TMEM229B: variants seen among roughly 807,000 people sequenced by gnomAD.
The protein encoded by TMEM229B is chromosome 14 open reading frame 83.
In TMEM229B, 6 loss-of-function variants were observed where a neutral mutation model predicts 13.7. That is an observed-to-expected ratio of 0.44 (90% CI 0.24 to 0.86). The LOEUF (loss-of-function observed/expected upper bound fraction) is 0.86, where lower values mean the gene tolerates loss of function less well. TMEM229B is among the 40% of genes least tolerant of loss of function. The pLI, the probability that TMEM229B is intolerant of heterozygous loss-of-function variation, is 0.23. For missense variants in TMEM229B, 170 were observed against 236.0 expected (o/e 0.72, Z 1.83); for synonymous variants, 107 against 102.1 (o/e 1.05, Z -0.29).
chr14:67,481,145 A>G lies in TMEM229B; in HGVS notation c.-19+5855T>C, dbSNP rs966397171. ...CATCTCTACAAAAAGAAAAAAAAGT[A>G]GGCTGGTTTGATGTGGTGTGCCTGT... On this transcript the variant is annotated intron_variant, in intron 2 of 2. Transcript: ENST00000554480. Among the ~76,000 whole-genome samples, 3 of 152,096 alleles carry G rather than the reference A, an allele frequency of 2.0e-5. No homozygotes were observed. In the East Asian group the frequency reaches 5.8e-4, roughly 29 times the overall value.
chr14:67,498,439 A>G (rs566812183), intron 1 of TMEM229B, among the ~76,000 whole-genome samples: 1 of 152,356 alleles, frequency 6.6e-6, no homozygotes, highest in Non-Finnish European at 1.5e-5. Context: ...TATTATAACT[A>G]ACTTTCCCTT....
At chr14:67,489,729 G>A (rs1020332506), upstream of TMEM229B, among the ~76,000 whole-genome samples, 5 of 152,320 alleles carry the variant, frequency 3.3e-5, no homozygotes, top group South Asian at 4.1e-4. Context: ...GGTGGCTCAC[G>A]CCTGTAATCC....
intron 1 of TMEM229B, among the ~76,000 whole-genome samples, chr14:67,528,403 G>T (rs1464962007): frequency 6.6e-6 from 1 of 152,150 alleles, no homozygotes; most frequent in Non-Finnish European, 1.5e-5. Flanking sequence ...CCCCACACAG[G>T]CTCCCTGGGC....
At position 67,508,753 on chromosome 14, in the gene TMEM229B, CAAAAAAA is replaced by C. The variant is rs757183130; in HGVS notation, c.-192+6326_-192+6332del. Among the ~76,000 whole-genome samples the C allele has an allele frequency of 6.0e-3, 282 of 46,734 alleles. 13 individuals carry two copies. Among genetic ancestry groups the C allele is most frequent in the Non-Finnish European group, 9.8e-3 (209 of 21,320 alleles). 30.7% of individuals were successfully genotyped at this position (46,734 alleles called of 152,430 possible). Reference sequence around the variant, plus strand: ...TGGGTGACAGAGCAAAACCTTGTCTCAAAAAAAAAAAAAAAAAACAGAAGACAATTAA... The same window carrying C: ...TGGGTGACAGAGCAAAACCTTGTCTCAAAAAAAAAAACAGAAGACAATTAA... On this transcript the variant is annotated intron_variant, in intron 1 of 2. Coordinates refer to the TMEM229B transcript ENST00000357461.
chr14:67,510,618 T>C (rs1305357370), intron 1 of TMEM229B, among the ~76,000 whole-genome samples: 1 of 152,116 alleles, frequency 6.6e-6, no homozygotes, highest in African/African-American at 2.4e-5. Context: ...TGTTGCCCAG[T>C]GGTAATGATA....
chr14:67,476,773 C>G (rs894409643), intron 2 of TMEM229B, among the ~76,000 whole-genome samples: 8 of 152,274 alleles, frequency 5.3e-5, no homozygotes, highest in Admixed American at 5.2e-4. Flanking sequence ...AACTCATCCC[C>G]TGCACATGAC....
At chr14:67,522,763 C>T (rs1186531511) in intron 1 of TMEM229B, among the ~76,000 whole-genome samples, 2 of 152,218 alleles carry the variant, frequency 1.3e-5, no homozygotes, top group South Asian at 2.1e-4. Flanking sequence ...AAGCCTGGAG[C>T]GGGTGGTGAG....
chr14:67,506,658 G>T (rs1228996606), intron 1 of TMEM229B, among the ~76,000 whole-genome samples: 3 of 152,262 alleles, frequency 2.0e-5, no homozygotes, highest in African/African-American at 7.2e-5. Flanking sequence ...AATGAAAATA[G>T]AAGGAATGAA....
intron 2 of TMEM229B, among the ~76,000 whole-genome samples, chr14:67,480,299 C>G (rs558519915): frequency 1.3e-5 from 2 of 152,180 alleles, no homozygotes; most frequent in South Asian, 4.2e-4. Context: ...GAGCACCAAG[C>G]TAGCGAGCCA....
At chr14:67,504,301 A>T (rs1235778614) in intron 1 of TMEM229B, among the ~76,000 whole-genome samples, 1 of 152,250 alleles carries the variant, frequency 6.6e-6, no homozygotes, top group Non-Finnish European at 1.5e-5. Context: ...GGCGTGAGCC[A>T]CCGTGCCCAG....
At chr14:67,488,023 C>T (rs2031976441) in intron 1 of TMEM229B, among the ~76,000 whole-genome samples, 1 of 152,228 alleles carries the variant, frequency 6.6e-6, no homozygotes, top group African/African-American at 2.4e-5. Flanking sequence ...TAAAGCTTCC[C>T]TGAAAACCCC....
chr14:67,525,870 T>C (rs912992512), intron 1 of TMEM229B, among the ~76,000 whole-genome samples: 1 of 152,152 alleles, frequency 6.6e-6, no homozygotes, highest in Non-Finnish European at 1.5e-5. Context: ...CCCAGGAAAT[T>C]TCTACTTTCA....
At position 67,473,890 on chromosome 14, in the gene TMEM229B, G is replaced by A. The variant is rs1001135466; in HGVS notation, c.34C>T (p.Arg12Cys). ...CCGTGGATGGCATACAGGTACCAGC[G>A]GGACAGCGCCGTCAGGGGCTCGGCA... Reference protein sequence around the residue: ...ASAEPLTALSRWYLYAIHGYF... With the variant: ...ASAEPLTALSCWYLYAIHGYF... The change falls in exon 3 of 3, where the codon CGC (arginine) becomes TGC (cysteine). Residue 12 changes from arginine to cysteine, a missense_variant. This residue lies in a region of TMEM229B where 36 missense variants were observed against 83.8 expected (regional missense o/e 0.43). Coordinates refer to ENST00000554480, the MANE Select transcript of TMEM229B (RefSeq NM_001348543.2). This position sits in a 1 kb window ranked among gnomAD's most constrained non-coding sequence, Gnocchi z 6.5. The A allele has an allele frequency of 2.5e-6, 4 of 1,609,436 alleles. No homozygotes were observed. The highest frequency in any genetic ancestry group is 1.3e-5 in the African/African-American group (1 of 74,906).
chr14:67,486,083 A>G (rs975078969), intron 2 of TMEM229B, among the ~76,000 whole-genome samples: 1 of 152,194 alleles, frequency 6.6e-6, no homozygotes, highest in Non-Finnish European at 1.5e-5. Flanking sequence ...GCTGTTTCCC[A>G]GGTGTGAGTG....
chr14:67,475,852 G>T (rs1254935493), intron 2 of TMEM229B, among the ~76,000 whole-genome samples: 1 of 152,204 alleles, frequency 6.6e-6, no homozygotes, highest in Non-Finnish European at 1.5e-5. Context: ...ATTATCAGGT[G>T]CCACCCCAAT....
At chr14:67,511,437 A>T (rs2140241588) in intron 1 of TMEM229B, among the ~76,000 whole-genome samples, 1 of 152,314 alleles carries the variant, frequency 6.6e-6, no homozygotes, top group South Asian at 2.1e-4. Flanking sequence ...CTGTCCGTGT[A>T]GATGGTTTGC....
chr14:67,532,143 T>C (rs894938549), intron 1 of TMEM229B, among the ~76,000 whole-genome samples: 1 of 152,192 alleles, frequency 6.6e-6, no homozygotes, highest in African/African-American at 2.4e-5. Context: ...TTTGGCCTCC[T>C]GCACTACCAG....
At chr14:67,522,371 C>G (rs954504842) in intron 1 of TMEM229B, among the ~76,000 whole-genome samples, 4 of 152,194 alleles carry the variant, frequency 2.6e-5, no homozygotes, top group Non-Finnish European at 2.9e-5. Context: ...CTGGTCACCT[C>G]TCCTCTGTGC....
chr14:67,504,116 C>T (rs901012746), intron 1 of TMEM229B, among the ~76,000 whole-genome samples: 2 of 152,012 alleles, frequency 1.3e-5, no homozygotes, highest in East Asian at 1.9e-4. Context: ...TGGGTTCAAG[C>T]GATTCTCCTG....
Sources: allele counts gnomAD v4.1 joint callset (sites outside exome capture counted in the v4.1 genomes callset), GRCh38; gene constraint gnomAD v4.1.1; regional missense constraint gnomAD v4.1.1; non-coding constraint Gnocchi (gnomAD v3.1); transcripts MANE v1.5; gene names NCBI Gene and HGNC (gene_info 2026-07-23, HGNC 2026-07-21).